Variants in SDK2 observed in about 807,000 individuals in gnomAD.
SDK2 encodes sidekick cell adhesion molecule 2.
A neutral mutation model predicts 253.9 loss-of-function variants in SDK2; 105 were observed. The observed-to-expected ratio is 0.41, with a 90% CI of 0.35 to 0.49. SDK2 has a LOEUF of 0.49. Ranked by LOEUF, SDK2 falls within the 20% of genes least tolerant of loss-of-function variation. The probability of loss-of-function intolerance (pLI) is 0.06; values close to 1 mark genes in which losing one functional copy is unlikely to be tolerated. For missense variants in SDK2, 2,608 were observed against 3,003.0 expected, an observed-to-expected ratio of 0.87 and a Z score of 3.07; for synonymous variants, 1,249 against 1,234.9, an observed-to-expected ratio of 1.01 and a Z score of -0.24.
chr17:73,338,632 G>A lies in SDK2; in HGVS notation c.6474C>T (p.Ala2158=). 2.0e-6 allele frequency: 3 copies of A among 1,535,196 alleles called. No individual in the cohort carries two copies. The highest frequency in any genetic ancestry group is 2.6e-6 in the Non-Finnish European group (3 of 1,145,726). ...CTGCTATGGGAGCCCGGGAGCCTGG[G>A]GCCAGGCTGCTGGGGGGACGGTAGA... ...STLYRPPSSL[A]PGSRAPIAGF... is the part of the protein sequence containing the mutation. Residue 2158 remains alanine (A), a synonymous_variant, in exon 45 of 45, where the codon GCC becomes GCT. Coordinates refer to ENST00000392650, the MANE Select transcript of SDK2 (RefSeq NM_001144952.2). The surrounding 1 kb of genome is among the most constrained non-coding windows in gnomAD (Gnocchi z 5.0).
intron 1 of SDK2, among the ~76,000 whole-genome samples, chr17:73,536,362 C>T (rs1007953737): frequency 1.3e-5 from 2 of 152,198 alleles, no homozygotes; most frequent in African/African-American, 4.8e-5. Flanking sequence ...TCTTTTCCAG[C>T]CCCAGAAAAG....
chr17:73,638,808 T>C (rs886520930), intron 1 of SDK2, among the ~76,000 whole-genome samples: 1 of 144,608 alleles, frequency 6.9e-6, no homozygotes. Context: ...ATAACAGTCT[T>C]TTTTTTTTTT....
chr17:73,400,971 C>A (rs978361328), intron 21 of SDK2, 49 bp downstream of exon 21: 1 of 1,508,654 alleles, frequency 6.6e-7, no homozygotes, highest in Non-Finnish European at 9.0e-7. Context: ...TTGAATGGGA[C>A]GCTGCTCAGG....
chr17:73,545,099 G>GTGCACACA (rs1555601160), intron 1 of SDK2, among the ~76,000 whole-genome samples: 1 of 145,716 alleles, frequency 6.9e-6, no homozygotes. Flanking sequence ...GCACGTGCAC[G>GTGCACACA]CACACACACA....
At chr17:73,410,794 G>A (rs2063119022) in intron 18 of SDK2, among the ~76,000 whole-genome samples, 1 of 152,200 alleles carries the variant, frequency 6.6e-6, no homozygotes, top group Non-Finnish European at 1.5e-5. Flanking sequence ...CCTTTATCGA[G>A]TAGCTACTGG....
intron 1 of SDK2, among the ~76,000 whole-genome samples, chr17:73,523,821 A>C (rs1298052033): frequency 6.6e-6 from 1 of 150,818 alleles, no homozygotes; most frequent in African/African-American, 2.4e-5. Flanking sequence ...TTCTCTATGC[A>C]GGTTTCCCAG....
intron 1 of SDK2, among the ~76,000 whole-genome samples, chr17:73,513,144 A>AG (rs2063994440): frequency 6.7e-6 from 1 of 149,106 alleles, no homozygotes; most frequent in Admixed American, 6.6e-5. Context: ...TCTGCCTGGA[A>AG]AAAAAAAAAC....
Position 73,617,343 on chromosome 17 carries a change from G to T in SDK2, c.64+26682C>A, listed in dbSNP as rs562547187. On this transcript the variant is annotated intron_variant, in intron 1 of 44. Coordinates refer to ENST00000392650, the MANE Select transcript of SDK2 (RefSeq NM_001144952.2). ...GCCTCCTGCGGAGGGGAGGGGAGAGGGCTTCAGGGGGTTCTTAGGAGGCAA... is the reference window on the plus strand; with the variant it reads ...GCCTCCTGCGGAGGGGAGGGGAGAGTGCTTCAGGGGGTTCTTAGGAGGCAA... Among the ~76,000 whole-genome samples, 24 of 151,804 alleles carry T rather than the reference G, an allele frequency of 1.6e-4. No homozygotes were observed. In the East Asian group the frequency reaches 4.7e-3, roughly 30 times the overall value.
chr17:73,343,693 G>A lies in SDK2; in HGVS notation c.6166-4753C>T, dbSNP rs1445519828. ...CCTGGTGATGGGAGTGGGGAGGGAG[G>A]GCCAGAAGGAGGCAGGACCCCTGGA... On this transcript the variant is annotated intron_variant, in intron 44 of 44. Transcript: ENST00000392650. 5.9e-5 allele frequency among the ~76,000 whole-genome samples: 9 copies of A among 152,334 alleles called. No individual in the cohort carries two copies. In the East Asian group the frequency reaches 1.5e-3, roughly 26 times the overall value.
intron 2 of SDK2, among the ~76,000 whole-genome samples, chr17:73,500,674 C>T (rs960514646): frequency 1.4e-5 from 2 of 147,422 alleles, no homozygotes; most frequent in Non-Finnish European, 3.0e-5. Context: ...TCTCCTCCAT[C>T]CATCCTCCCT....
At chr17:73,453,991 G>A (rs916823992) in intron 4 of SDK2, among the ~76,000 whole-genome samples, 6 of 152,034 alleles carry the variant, frequency 3.9e-5, no homozygotes, top group Non-Finnish European at 5.9e-5. Context: ...TATTTTTGTG[G>A]TACCTTTCCT....
chr17:73,394,607 G>C (rs1468558977), intron 25 of SDK2, among the ~76,000 whole-genome samples: 1 of 152,222 alleles, frequency 6.6e-6, no homozygotes, highest in Non-Finnish European at 1.5e-5. Context: ...GCACAGCAGA[G>C]AGGGCTGGCA....
intron 5 of SDK2, among the ~76,000 whole-genome samples, chr17:73,444,512 C>T (rs1274081935): frequency 6.6e-6 from 1 of 152,190 alleles, no homozygotes; most frequent in African/African-American, 2.4e-5. Context: ...ACACGGGGGG[C>T]CTCACTGGAT....
chr17:73,630,482 C>T (rs1567882981), intron 1 of SDK2, among the ~76,000 whole-genome samples: 1 of 137,458 alleles, frequency 7.3e-6, no homozygotes, highest in South Asian at 2.7e-4. Flanking sequence ...CCCTCCTCAA[C>T]CCCCAGGTTC....
chr17:73,598,990 G>A (rs2045799479), intron 1 of SDK2, among the ~76,000 whole-genome samples: 1 of 152,254 alleles, frequency 6.6e-6, no homozygotes. Flanking sequence ...CCCAATAGAT[G>A]AGAGTGCTGA....
At chr17:73,376,438 C>T (rs1049783817) in intron 36 of SDK2, among the ~76,000 whole-genome samples, 1 of 151,380 alleles carries the variant, frequency 6.6e-6, no homozygotes, top group Admixed American at 6.6e-5. Flanking sequence ...TGCAGTCTGA[C>T]TGGAATGCAG....
intron 1 of SDK2, among the ~76,000 whole-genome samples, chr17:73,513,993 G>A (rs1016119720): frequency 3.9e-5 from 6 of 152,198 alleles, no homozygotes; most frequent in African/African-American, 1.2e-4. Flanking sequence ...GACTTGGGTT[G>A]GGGGACTAGC....
intron 32 of SDK2, among the ~76,000 whole-genome samples, chr17:73,384,307 G>A (rs575260779): frequency 1.3e-5 from 2 of 152,228 alleles, no homozygotes; most frequent in Non-Finnish European, 2.9e-5. Flanking sequence ...GAGCATCATT[G>A]GGGCCTGGAG....
Position 73,436,090 on chromosome 17 carries a change from T to C in SDK2, c.1001-446A>G, listed in dbSNP as rs139116636. On this transcript the variant is annotated intron_variant, in intron 8 of 44. Coordinates refer to ENST00000392650, the MANE Select transcript of SDK2 (RefSeq NM_001144952.2). Reference sequence around the variant, plus strand: ...TTTTTATTGCAGTACTTAGCAGACATGTATGTGTGCTCTGGGAACCTCCAA... The same window carrying C: ...TTTTTATTGCAGTACTTAGCAGACACGTATGTGTGCTCTGGGAACCTCCAA... Among the ~76,000 whole-genome samples, 1,095 of 152,090 alleles carry C rather than the reference T, an allele frequency of 7.2e-3. 15 individuals carry two copies. The highest frequency in any genetic ancestry group is 0.026 in the African/African-American group (1,064 of 41,490).
Sources: allele counts gnomAD v4.1 joint callset (sites outside exome capture counted in the v4.1 genomes callset), GRCh38; gene constraint gnomAD v4.1.1; non-coding constraint Gnocchi (gnomAD v3.1); transcripts MANE v1.5; gene names NCBI Gene and HGNC (gene_info 2026-07-23, HGNC 2026-07-21).